GLS: variants seen among roughly 807,000 people sequenced by gnomAD.
GLS encodes the protein glutaminase kidney isoform, mitochondrial.
In GLS, 36 loss-of-function variants were observed where a neutral mutation model predicts 86.7. That is an observed-to-expected ratio of 0.42 (90% confidence interval 0.32 to 0.55). The LOEUF is 0.55. Among genes scored for constraint, GLS ranks in the 20% least tolerant of loss-of-function variants. The pLI is 0.17. For synonymous variants in GLS, 317 were observed against 305.9 expected, an observed-to-expected ratio of 1.04 and a Z score of -0.38; for missense variants, 528 against 833.4, an observed-to-expected ratio of 0.63 and a Z score of 4.51.
Position 190,881,633 on chromosome 2 carries a change from G to GCCCCGCCCGCGCCTT in GLS, c.386+174_386+188dup, listed in dbSNP as rs959908716. 4.3e-5 allele frequency: 27 copies of GCCCCGCCCGCGCCTT among 627,880 alleles called. 1 individual carries two copies. The highest frequency in any genetic ancestry group is 2.0e-4 in the Admixed American group (5 of 24,842). 38.9% of individuals were successfully genotyped at this position (627,880 alleles called of 1,614,324 possible). ...CGTCTGCGCCATGTGATTAGGCCCGGCCCCGCCCGCGCCTTCCCCGCCCGC... is the reference window on the plus strand; with the variant it reads ...CGTCTGCGCCATGTGATTAGGCCCGGCCCCGCCCGCGCCTTCCCCGCCCGCGCCTTCCCCGCCCGC... On this transcript the variant is annotated intron_variant, in intron 1 of 17. Transcript: ENST00000320717.
chr2:190,917,379 A>G (rs1366644155), intron 7 of GLS, among the ~76,000 whole-genome samples: 1 of 152,170 alleles, frequency 6.6e-6, no homozygotes, highest in Non-Finnish European at 1.5e-5. Flanking sequence ...TTTTAATTCT[A>G]GTTCTCTTGA....
rs567399131 is a variant in GLS, at chr2:190,956,625, T to C, written c.1853+1807T>C. ...TATATGAAATTTAAGGTATTTTTTT[T>C]CTAATTCTGTGAAGAAAGTCAATGG... is the stretch of plus-strand genomic sequence containing the variant. On this transcript the variant is annotated intron_variant, in intron 17 of 17. Coordinates refer to ENST00000320717, the MANE Select transcript of GLS (RefSeq NM_014905.5). The surrounding 1 kb of genome is among the most constrained non-coding windows in gnomAD (Gnocchi z 4.2). 3.9e-5 allele frequency among the ~76,000 whole-genome samples: 6 copies of C among 152,312 alleles called. No homozygotes were observed. The South Asian group carries it at 1.2e-3, about 32-fold the overall frequency.
At chr2:190,881,864 A>C in intron 1 of GLS, 3 of 173,562 alleles carry the variant, frequency 1.7e-5, no homozygotes, top group Admixed American at 6.4e-5. Context: ...CTGCACGAAC[A>C]TCTCCACCGA....
rs1484263510 is a variant in GLS, at chr2:190,945,804, GCTT to G, written c.1651-7757_1651-7755del. The stretch of plus-strand genomic sequence containing the variant: ...TAAAGTGAAATTTCTGTAAAACAGA[GCTT>G]CTTTCCTTTATAGTAAAATTTGCTA... On this transcript the variant is annotated intron_variant, in intron 14 of 17. Coordinates refer to ENST00000320717, the MANE Select transcript of GLS (RefSeq NM_014905.5). Among the ~76,000 whole-genome samples, 3 of 152,096 alleles carry G rather than the reference GCTT, an allele frequency of 2.0e-5. No individual in the cohort carries two copies. In the East Asian group the frequency reaches 5.8e-4, roughly 29 times the overall value.
At chr2:190,884,279 T>G (rs1323438747) in intron 1 of GLS, among the ~76,000 whole-genome samples, 1 of 152,226 alleles carries the variant, frequency 6.6e-6, no homozygotes, top group Non-Finnish European at 1.5e-5. Flanking sequence ...TAGGTAATAC[T>G]TCACCTCTTA....
chr2:190,882,480 C>G (rs1314456278), intron 1 of GLS, among the ~76,000 whole-genome samples: 1 of 152,186 alleles, frequency 6.6e-6, no homozygotes, highest in Admixed American at 6.5e-5. Context: ...ATACCTTACT[C>G]TTTTTCTGGC....
chr2:190,960,117 G>C (rs934435806), intron 17 of GLS, among the ~76,000 whole-genome samples: 7 of 152,156 alleles, frequency 4.6e-5, no homozygotes, highest in African/African-American at 1.7e-4. Flanking sequence ...TAAGAATGCA[G>C]CTTACACATA....
At chr2:190,915,848 A>G (rs1689514859) in intron 7 of GLS, among the ~76,000 whole-genome samples, 1 of 152,224 alleles carries the variant, frequency 6.6e-6, no homozygotes, top group African/African-American at 2.4e-5. Flanking sequence ...GTTATATACT[A>G]GGTTGTTTCC....
intron 9 of GLS, among the ~76,000 whole-genome samples, chr2:190,922,151 G>C (rs201970515): frequency 6.6e-6 from 1 of 152,026 alleles, no homozygotes; most frequent in Non-Finnish European, 1.5e-5. Context: ...CTGTTTAGTA[G>C]AAAACAGCCA....
intron 1 of GLS, among the ~76,000 whole-genome samples, chr2:190,892,574 A>T (rs1688601468): frequency 6.6e-6 from 1 of 152,162 alleles, no homozygotes; most frequent in African/African-American, 2.4e-5. Context: ...AAAATACATT[A>T]TTGTGAAGAA....
intron 7 of GLS, chr2:190,919,667 C>A (rs1269004501): frequency 3.5e-6 from 3 of 867,068 alleles, no homozygotes; most frequent in Non-Finnish European, 4.2e-6. Flanking sequence ...TGCAACAGTT[C>A]AATGAAGTTG....
At chr2:190,916,128 A>G (rs1185544910) in intron 7 of GLS, among the ~76,000 whole-genome samples, 2 of 152,246 alleles carry the variant, frequency 1.3e-5, no homozygotes, top group East Asian at 3.8e-4. Flanking sequence ...CCACTGATAT[A>G]TGAACTAAAA....
chr2:190,895,733 T>C lies in GLS; in HGVS notation c.605+8T>C. On this transcript the variant is annotated splice_region_variant and intron_variant, in intron 3 of 17. Coordinates refer to ENST00000320717, the MANE Select transcript of GLS (RefSeq NM_014905.5). The surrounding 1 kb of genome is among the most constrained non-coding windows in gnomAD (Gnocchi z 4.2). Reference sequence around the variant, plus strand: ...CAAAGATCTTTTTAAAAAGTAAAAGTTTCTGCCAAACCTTTAATGGTGATT... The same window carrying C: ...CAAAGATCTTTTTAAAAAGTAAAAGCTTCTGCCAAACCTTTAATGGTGATT... 2 of 1,568,442 alleles carry C rather than the reference T, an allele frequency of 1.3e-6. No individual in the cohort carries two copies.
At position 190,895,502 on chromosome 2, in the gene GLS, T is replaced by TG; in HGVS notation, c.484-99dup. 1 of 759,430 alleles carries TG rather than the reference T, an allele frequency of 1.3e-6. No individual in the cohort carries two copies. Among genetic ancestry groups the TG allele is most frequent in the South Asian group, 2.5e-5 (1 of 39,304 alleles). 47.0% of individuals were successfully genotyped at this position (759,430 alleles called of 1,614,324 possible). On this transcript the variant is annotated intron_variant, in intron 2 of 17. Coordinates refer to ENST00000320717, the MANE Select transcript of GLS (RefSeq NM_014905.5). This position sits in a 1 kb window ranked among gnomAD's most constrained non-coding sequence, Gnocchi z 4.2. ...AGATGCCATATTCATGTTCAAGTGT[T>TG]GGGTAGAAGTTTTTATATACAGGAA...
chr2:190,953,488 A>G lies in GLS; in HGVS notation c.1651-77A>G. 4 of 962,592 alleles carry G rather than the reference A, an allele frequency of 4.2e-6. No individual in the cohort carries two copies. Among genetic ancestry groups the G allele is most frequent in the Non-Finnish European group, 5.1e-6 (3 of 589,338 alleles). The allele number at this position is 962,592 out of a possible 1,614,324, so 59.6% of individuals were successfully genotyped here. The stretch of plus-strand genomic sequence containing the variant: ...GCTGAAGTGTTCAAAGCACATGGAA[A>G]TCACTTGCCAGTGACAGGTGGACGT... On this transcript the variant is annotated intron_variant, in intron 14 of 17. Transcript: ENST00000320717. The surrounding 1 kb of genome is among the most constrained non-coding windows in gnomAD (Gnocchi z 4.0).
rs1689406641 is a variant in GLS at position 190,912,771 on chromosome 2, T to C, written c.1038+2450T>C. On this transcript the variant is annotated intron_variant, in intron 7 of 17. Transcript: ENST00000320717. ...TTTCTCTTGATGACATCTTTAATTTTAGTTAGCATAGTTATATTGCCCCAA... is the reference window on the plus strand; with the variant it reads ...TTTCTCTTGATGACATCTTTAATTTCAGTTAGCATAGTTATATTGCCCCAA... Among the ~76,000 whole-genome samples, 3 of 152,194 alleles carry C rather than the reference T, an allele frequency of 2.0e-5. No homozygotes were observed. The South Asian group carries it at 6.2e-4, about 31-fold the overall frequency.
At chr2:190,896,740 A>C (rs1688755910) in intron 3 of GLS, among the ~76,000 whole-genome samples, 1 of 152,110 alleles carries the variant, frequency 6.6e-6, no homozygotes, top group South Asian at 2.1e-4. Context: ...AACTTAGCTG[A>C]CCTTAAAGTG....
chr2:190,937,456 G>A (rs1156373207), intron 14 of GLS, among the ~76,000 whole-genome samples: 1 of 151,246 alleles, frequency 6.6e-6, no homozygotes, highest in Non-Finnish European at 1.5e-5. Flanking sequence ...AAAATGTGAT[G>A]TTTCGTAGAG....
chr2:190,923,705 A>G (rs1478074359), intron 9 of GLS, among the ~76,000 whole-genome samples: 3 of 152,228 alleles, frequency 2.0e-5, no homozygotes, highest in Admixed American at 6.5e-5. Flanking sequence ...CAGTCATTTT[A>G]TAGCCAAGAA....
Sources: allele counts gnomAD v4.1 joint callset (sites outside exome capture counted in the v4.1 genomes callset), GRCh38; gene constraint gnomAD v4.1.1; non-coding constraint Gnocchi (gnomAD v3.1); transcripts MANE v1.5; gene names NCBI Gene and HGNC (gene_info 2026-07-23, HGNC 2026-07-21).